The following RALGAPA2 variants were observed in gnomAD, a reference collection of about 807,000 sequenced individuals.
RALGAPA2 encodes the protein ral GTPase-activating protein subunit alpha-2.
A neutral mutation model predicts 230.4 loss-of-function variants in RALGAPA2; 139 were observed. The observed-to-expected ratio is 0.60, with a 90% confidence interval of 0.53 to 0.69. RALGAPA2 has a LOEUF of 0.69. RALGAPA2 is among the 30% of genes least tolerant of loss of function. The pLI, the probability that RALGAPA2 is intolerant of heterozygous loss-of-function variation, is 0.00. For missense variants in RALGAPA2, 2,163 were observed against 2,276.0 expected, an observed-to-expected ratio of 0.95 and a Z score of 1.01; for synonymous variants, 847 against 837.8, an observed-to-expected ratio of 1.01 and a Z score of -0.19.
chr20:20,596,408 T>C (rs1456381749), intron 16 of RALGAPA2, among the ~76,000 whole-genome samples: 1 of 152,198 alleles, frequency 6.6e-6, no homozygotes, highest in African/African-American at 2.4e-5. Flanking sequence ...GTAAGGAGCT[T>C]GTGCCAGAAA....
intron 20 of RALGAPA2, among the ~76,000 whole-genome samples, chr20:20,579,739 G>A (rs773732470): frequency 2.4e-4 from 36 of 152,030 alleles, no homozygotes; most frequent in Non-Finnish European, 4.0e-4. Flanking sequence ...ACTGACTTTG[G>A]ACATGGCGTG....
chr20:20,458,758 C>CTA (rs375716103), intron 37 of RALGAPA2, among the ~76,000 whole-genome samples: 6 of 7,070 alleles, frequency 8.5e-4, no homozygotes, highest in African/African-American at 4.2e-3. Context: ...ACATACACAC[C>CTA]TATATATATA....
chr20:20,620,588 C>G lies in RALGAPA2; in HGVS notation c.1276G>C (p.Val426Leu), dbSNP rs1367516463. The G allele has an allele frequency of 6.2e-7, 1 of 1,613,356 alleles. No homozygotes were observed. The highest frequency in any genetic ancestry group is 1.3e-5 in the African/African-American group (1 of 75,012). The change falls in exon 11 of 40, where the codon GTA becomes CTA. Residue 426 changes from valine to leucine, a missense_variant. Coordinates refer to ENST00000202677, the MANE Select transcript of RALGAPA2 (RefSeq NM_020343.4). ...ATCCACTTTCTGTACACTTGAACTA[C>G]TTTTCTTGTTACAGCTATCTCACAG... Reference protein sequence around the residue: ...PSCEIAVTRKVVQVYRKWILQ... With the variant: ...PSCEIAVTRKLVQVYRKWILQ...
Position 20,643,553 on chromosome 20 carries a change from A to C in RALGAPA2, c.329-4T>G, listed in dbSNP as rs1446167885. ...AGAAGCTTCTTTAAAGTTGAGCCTG[A>C]AAGTTTAAAATAATGAATTATAAAT... On this transcript the variant is annotated splice_region_variant and splice_polypyrimidine_tract_variant and intron_variant, in intron 4 of 39. Transcript: ENST00000202677. 2.0e-6 allele frequency: 3 copies of C among 1,465,426 alleles called. No homozygotes were observed. Among genetic ancestry groups the C allele is most frequent in the Non-Finnish European group, 2.8e-6 (3 of 1,084,386 alleles). 90.8% of individuals were successfully genotyped at this position (1,465,426 alleles called of 1,614,324 possible). A position where few individuals can be genotyped will look rare whatever the true frequency, so the allele number is the denominator to read the frequency against.
At chr20:20,657,601 C>T (rs1001416379) in intron 3 of RALGAPA2, among the ~76,000 whole-genome samples, 3 of 152,208 alleles carry the variant, frequency 2.0e-5, no homozygotes, top group Non-Finnish European at 4.4e-5. Flanking sequence ...TGCTACCTCA[C>T]GTTGATGGAA....
intron 37 of RALGAPA2, among the ~76,000 whole-genome samples, chr20:20,458,631 A>G (rs2061196858): frequency 7.3e-6 from 1 of 137,074 alleles, no homozygotes; most frequent in Non-Finnish European, 1.5e-5. Context: ...TAAGAAAGAG[A>G]AGGAGAGGGA....
chr20:20,539,008 TTA>T (rs1343063561), intron 24 of RALGAPA2, among the ~76,000 whole-genome samples: 132 of 152,352 alleles, frequency 8.7e-4, no homozygotes, highest in African/African-American at 3.1e-3. Flanking sequence ...CTTTCACTCA[TTA>T]TGTTATGTAA....
intron 34 of RALGAPA2, among the ~76,000 whole-genome samples, chr20:20,504,364 T>C (rs2062466517): frequency 6.6e-6 from 1 of 152,206 alleles, no homozygotes. Flanking sequence ...TTTCCATCCC[T>C]GCCTTAGTCC....
chr20:20,672,552 A>G (rs1462826299), intron 3 of RALGAPA2, among the ~76,000 whole-genome samples: 1 of 152,252 alleles, frequency 6.6e-6, no homozygotes, highest in African/African-American at 2.4e-5. Flanking sequence ...AGATTGGTAA[A>G]GTAGCAGATT....
intron 3 of RALGAPA2, among the ~76,000 whole-genome samples, chr20:20,674,200 T>TAAC (rs2068238796): frequency 6.7e-6 from 1 of 149,758 alleles, no homozygotes; most frequent in Non-Finnish European, 1.5e-5. Context: ...ATAATAATAA[T>TAAC]AATAATAATA....
At chr20:20,638,303 T>A (rs924452196) in intron 7 of RALGAPA2, among the ~76,000 whole-genome samples, 3 of 152,156 alleles carry the variant, frequency 2.0e-5, no homozygotes, top group African/African-American at 7.2e-5. Context: ...AAGCAGGGCT[T>A]CCCAACTTCC....
At chr20:20,520,889 A>G in intron 31 of RALGAPA2, 28 bp downstream of exon 31, 1 of 1,507,122 alleles carries the variant, frequency 6.6e-7, no homozygotes, top group Non-Finnish European at 9.0e-7. Context: ...TCCTTCCCAC[A>G]AGATTTCATA....
At chr20:20,497,032 T>C (rs1294461025) in intron 35 of RALGAPA2, among the ~76,000 whole-genome samples, 8 of 152,232 alleles carry the variant, frequency 5.3e-5, no homozygotes, top group South Asian at 4.1e-4. Flanking sequence ...GACTTTCTAA[T>C]GGCAAAATTA....
chr20:20,539,534 T>C (rs958809735), intron 24 of RALGAPA2, among the ~76,000 whole-genome samples: 1 of 152,214 alleles, frequency 6.6e-6, no homozygotes, highest in African/African-American at 2.4e-5. Context: ...ATATACAACA[T>C]GTTTTGATAC....
intron 37 of RALGAPA2, among the ~76,000 whole-genome samples, chr20:20,458,546 T>C (rs1346914564): frequency 1.8e-3 from 241 of 134,718 alleles, no homozygotes; most frequent in African/African-American, 6.7e-3. Context: ...ATAATATATA[T>C]GTATTTTATA....
At chr20:20,394,466 C>A (rs917532951) in intron 39 of RALGAPA2, among the ~76,000 whole-genome samples, 1 of 152,144 alleles carries the variant, frequency 6.6e-6, no homozygotes, top group African/African-American at 2.4e-5. Flanking sequence ...AGTGAAACCC[C>A]GTCTCTACAA....
intron 12 of RALGAPA2, among the ~76,000 whole-genome samples, chr20:20,617,525 A>G (rs1603079614): frequency 6.6e-6 from 1 of 152,216 alleles, no homozygotes; most frequent in African/African-American, 2.4e-5. Flanking sequence ...TGCAACACAG[A>G]TCCTTTTAAT....
At chr20:20,600,065 C>T (rs776766857) in intron 16 of RALGAPA2, among the ~76,000 whole-genome samples, 7 of 151,864 alleles carry the variant, frequency 4.6e-5, no homozygotes, top group South Asian at 2.1e-4. Flanking sequence ...GAAACAGAGA[C>T]GGGCAGATCA....
chr20:20,510,884 CACTTG>C (rs981917883), intron 33 of RALGAPA2, among the ~76,000 whole-genome samples: 2 of 152,216 alleles, frequency 1.3e-5, no homozygotes, highest in Non-Finnish European at 2.9e-5. Context: ...AAGTCAGACT[CACTTG>C]GCTTTAGATA....
Sources: gnomAD v4.1 joint callset for allele counts (sites outside exome capture counted in the v4.1 genomes callset) on GRCh38, gnomAD v4.1.1 for gene constraint, MANE v1.5 for transcripts, NCBI Gene and HGNC (gene_info 2026-07-23, HGNC 2026-07-21) for gene names.